Variants in BTRC observed in about 807,000 individuals in gnomAD.
The protein encoded by BTRC is beta-transducin repeat containing E3 ubiquitin protein ligase, also known as F-box/WD repeat-containing protein 1A.
Under a neutral mutation model 85.5 loss-of-function variants are expected in BTRC, and 42 were observed. That is an observed-to-expected ratio of 0.49 (90% CI 0.38 to 0.64). The LOEUF (loss-of-function observed/expected upper bound fraction) is 0.64. BTRC is among the 30% of genes least tolerant of loss of function. BTRC has a pLI of 0.00. For missense variants in BTRC, 594 were observed against 743.5 expected, an observed-to-expected ratio of 0.80 and a Z score of 2.34; for synonymous variants, 255 against 263.3, an observed-to-expected ratio of 0.97 and a Z score of 0.30.
intron 13 of BTRC, among the ~76,000 whole-genome samples, chr10:101,549,172 C>G (rs1344541396): frequency 6.6e-6 from 1 of 150,854 alleles, no homozygotes; most frequent in Non-Finnish European, 1.5e-5. Flanking sequence ...CAGTGGCCCA[C>G]ACCTATAATC....
chr10:101,519,936 A>G (rs1262346756), intron 4 of BTRC, among the ~76,000 whole-genome samples: 1 of 152,032 alleles, frequency 6.6e-6, no homozygotes, highest in African/African-American at 2.4e-5. Flanking sequence ...CAGAGGTTGC[A>G]GTGAGCCGAG....
chr10:101,479,676 G>C (rs541548536), intron 4 of BTRC, among the ~76,000 whole-genome samples: 1 of 152,268 alleles, frequency 6.6e-6, no homozygotes, highest in Admixed American at 6.5e-5. Context: ...TCACTCTTTA[G>C]ACTGATTCAC....
intron 4 of BTRC, among the ~76,000 whole-genome samples, chr10:101,482,557 G>A (rs545191996): frequency 1.7e-4 from 26 of 151,644 alleles, no homozygotes; most frequent in African/African-American, 4.4e-4. Flanking sequence ...CACCACGCCC[G>A]GCTAATTTTT....
intron 1 of BTRC, among the ~76,000 whole-genome samples, chr10:101,402,655 A>C (rs1273508793): frequency 2.0e-5 from 3 of 152,224 alleles, no homozygotes; most frequent in African/African-American, 7.2e-5. Context: ...GTAGTTAGAA[A>C]TATCTTATTC....
At chr10:101,543,928 G>GTTTT (rs1322160987) in intron 13 of BTRC, among the ~76,000 whole-genome samples, 1 of 152,116 alleles carries the variant, frequency 6.6e-6, no homozygotes, top group Non-Finnish European at 1.5e-5. Context: ...TTGTTTGTTT[G>GTTTT]AGACGGAGTC....
intron 1 of BTRC, among the ~76,000 whole-genome samples, chr10:101,422,077 C>T (rs1367160776): frequency 2.6e-5 from 4 of 152,194 alleles, no homozygotes; most frequent in Admixed American, 6.5e-5. Flanking sequence ...AACTAGTTTA[C>T]AGTCCCACCA....
At position 101,464,397 on chromosome 10, in the gene BTRC, A is replaced by G. The variant is rs1945314081; in HGVS notation, c.234+2339A>G. 2.0e-5 allele frequency among the ~76,000 whole-genome samples: 3 copies of G among 152,228 alleles called. No homozygotes were observed. The South Asian group carries it at 6.2e-4, about 32-fold the overall frequency. On this transcript the variant is annotated intron_variant, in intron 3 of 14. Coordinates refer to ENST00000370187, the MANE Select transcript of BTRC (RefSeq NM_033637.4). Reference sequence around the variant, plus strand: ...TCTGATTCATTTTAAAAATAAATGCATACATTATTGAATCATTTTCTACTT... The same window carrying G: ...TCTGATTCATTTTAAAAATAAATGCGTACATTATTGAATCATTTTCTACTT...
Position 101,414,913 on chromosome 10 carries a change from AC to A in BTRC, c.49-15431del, listed in dbSNP as rs772090723. ...CAAAAGAGTCAAAAAGTTTTTAAAA[AC>A]TAAAAAAATTTATAAAGTGAAAAAG... On this transcript the variant is annotated intron_variant, in intron 1 of 14. Coordinates refer to ENST00000370187, the MANE Select transcript of BTRC (RefSeq NM_033637.4). Among the ~76,000 whole-genome samples, 221 of 152,182 alleles carry A rather than the reference AC, an allele frequency of 1.5e-3. 1 individual carries two copies. Among genetic ancestry groups the A allele is most frequent in the Non-Finnish European group, 2.6e-3 (176 of 67,984 alleles).
At chr10:101,479,278 T>C in intron 3 of BTRC, 90 bp from the exon 4 acceptor site, 1 of 940,416 alleles carries the variant, frequency 1.1e-6, no homozygotes, top group East Asian at 2.7e-5. Flanking sequence ...TATTTGTGTT[T>C]TGACTTGAGA....
At chr10:101,394,988 A>G (rs1194419778) in intron 1 of BTRC, among the ~76,000 whole-genome samples, 1 of 152,214 alleles carries the variant, frequency 6.6e-6, no homozygotes, top group African/African-American at 2.4e-5. Flanking sequence ...AACATGCATC[A>G]CAAAAATCCA....
chr10:101,505,605 G>A (rs765266861), intron 4 of BTRC, among the ~76,000 whole-genome samples: 7 of 149,110 alleles, frequency 4.7e-5, no homozygotes, highest in Non-Finnish European at 8.9e-5. Context: ...GGGCGACAGA[G>A]CGAGACTCCG....
At chr10:101,533,138 G>T in intron 9 of BTRC, 68 bp downstream of exon 9, 5 of 1,157,084 alleles carry the variant, frequency 4.3e-6, no homozygotes. Context: ...GTCATAGATA[G>T]TAATTTTGTA....
At chr10:101,444,562 A>G (rs945236883) in intron 2 of BTRC, among the ~76,000 whole-genome samples, 3 of 152,166 alleles carry the variant, frequency 2.0e-5, no homozygotes, top group Non-Finnish European at 4.4e-5. Flanking sequence ...TCTGTAAATT[A>G]AACACTGACA....
At chr10:101,382,044 G>C (rs1009620579) in intron 1 of BTRC, among the ~76,000 whole-genome samples, 2 of 122,834 alleles carry the variant, frequency 1.6e-5, no homozygotes, top group Non-Finnish European at 3.2e-5. Flanking sequence ...GTGCAGTGGC[G>C]TGATCTCAGC....
Position 101,526,047 on chromosome 10 carries a change from G to A in BTRC, c.591G>A (p.Leu197=). ...RGLDHIAENI[L]SYLDAKSLCA... The stretch of plus-strand genomic sequence containing the variant: ...TGGATCATATTGCTGAGAACATTCT[G>A]TCATACCTGGATGCCAAATCACTAT... Residue 197 remains leucine (L), a synonymous_variant, in exon 6 of 15, where the codon CTG becomes CTA. Transcript: ENST00000370187. 3 of 1,614,146 alleles carry A rather than the reference G, an allele frequency of 1.9e-6. No homozygotes were observed. Among genetic ancestry groups the A allele is most frequent in the Non-Finnish European group, 2.5e-6 (3 of 1,180,026 alleles).
At chr10:101,464,278 A>C (rs368237612) in intron 3 of BTRC, among the ~76,000 whole-genome samples, 1 of 152,212 alleles carries the variant, frequency 6.6e-6, no homozygotes, top group Admixed American at 6.5e-5. Flanking sequence ...AACTAAATTT[A>C]TCTCTCTCAT....
rs1265691229 is a variant in BTRC, at chr10:101,475,953, A to ATATATT, written c.235-3414_235-3413insATATTT. The stretch of plus-strand genomic sequence containing the variant: ...TATATATATATATATATATATATAT[A>ATATATT]TTCAGTAATTCCTAAGGGGAAAATA... On this transcript the variant is annotated intron_variant, in intron 3 of 14. Coordinates refer to ENST00000370187, the MANE Select transcript of BTRC (RefSeq NM_033637.4). Among the ~76,000 whole-genome samples, 75 of 133,748 alleles carry ATATATT rather than the reference A, an allele frequency of 5.6e-4. 2 individuals carry two copies. Among genetic ancestry groups the ATATATT allele is most frequent in the Middle Eastern group, 3.8e-3 (1 of 264 alleles). The allele number at this position is 133,748 out of a possible 152,430, so 87.7% of individuals were successfully genotyped here.
At chr10:101,498,018 C>G (rs1946308453) in intron 4 of BTRC, among the ~76,000 whole-genome samples, 1 of 151,900 alleles carries the variant, frequency 6.6e-6, no homozygotes, top group African/African-American at 2.4e-5. Flanking sequence ...GACTCCGTCT[C>G]TTAATTAATT....
At chr10:101,458,006 A>G (rs2134159674) in intron 2 of BTRC, among the ~76,000 whole-genome samples, 1 of 152,268 alleles carries the variant, frequency 6.6e-6, no homozygotes, top group East Asian at 1.9e-4. Flanking sequence ...TTTTTTCTGA[A>G]CAATTTGAAA....
Sources: allele counts gnomAD v4.1 joint callset (sites outside exome capture counted in the v4.1 genomes callset), GRCh38; gene constraint gnomAD v4.1.1; transcripts MANE v1.5; gene names NCBI Gene and HGNC (gene_info 2026-07-23, HGNC 2026-07-21).